Variants in PTPRD observed in about 807,000 individuals in gnomAD.
The protein encoded by PTPRD is receptor-type tyrosine-protein phosphatase delta.
A neutral mutation model predicts 214.5 loss-of-function variants in PTPRD; 34 were observed. That is an observed-to-expected ratio of 0.16 (90% CI 0.12 to 0.21). The LOEUF (loss-of-function observed/expected upper bound fraction) is 0.21, where lower values mean the gene tolerates loss of function less well. Among genes scored for constraint, PTPRD ranks in the 10% least tolerant of loss-of-function variants. The pLI is 1.00. For missense variants in PTPRD, 2,545 were observed against 2,398.7 expected, an observed-to-expected ratio of 1.06 and a Z score of -1.27; for synonymous variants, 1,128 against 845.7, an observed-to-expected ratio of 1.33 and a Z score of -5.79.
chr9:8,639,855 G>T (rs539451645), intron 12 of PTPRD, among the ~76,000 whole-genome samples: 1 of 152,332 alleles, frequency 6.6e-6, no homozygotes, highest in South Asian at 2.1e-4. Context: ...TACACTTGGA[G>T]AATAGGTATG....
chr9:10,279,186 T>C (rs1409050987), intron 3 of PTPRD, among the ~76,000 whole-genome samples: 2 of 151,082 alleles, frequency 1.3e-5, no homozygotes, highest in Admixed American at 6.6e-5. Context: ...TTGTCAGTAG[T>C]AAGAACATAT....
intron 10 of PTPRD, among the ~76,000 whole-genome samples, chr9:9,044,358 G>C (rs151249663): frequency 6.6e-6 from 1 of 152,324 alleles, no homozygotes; most frequent in African/African-American, 2.4e-5. Context: ...TGACCACTGT[G>C]AGTGGCCCAT....
chr9:10,566,984 C>T (rs953734343), intron 2 of PTPRD, among the ~76,000 whole-genome samples: 1 of 152,160 alleles, frequency 6.6e-6, no homozygotes, highest in Middle Eastern at 3.4e-3. Context: ...GTTTTATTTA[C>T]TCTATAAATA....
chr9:8,852,323 G>A (rs926303974), intron 11 of PTPRD, among the ~76,000 whole-genome samples: 5 of 152,184 alleles, frequency 3.3e-5, no homozygotes, highest in African/African-American at 7.2e-5. Flanking sequence ...GCAGAGTTAC[G>A]AGAGTTAAAT....
At chr9:9,984,437 G>A (rs2095641024) in intron 4 of PTPRD, among the ~76,000 whole-genome samples, 3 of 152,168 alleles carry the variant, frequency 2.0e-5, no homozygotes, top group African/African-American at 7.2e-5. Flanking sequence ...CAGGATGACA[G>A]AGAAATTTAT....
At chr9:8,850,282 C>A (rs1464780610) in intron 11 of PTPRD, among the ~76,000 whole-genome samples, 18 of 151,992 alleles carry the variant, frequency 1.2e-4, no homozygotes, top group Non-Finnish European at 2.6e-4. Context: ...ATTATTGTTT[C>A]TATGAGAAGT....
intron 4 of PTPRD, among the ~76,000 whole-genome samples, chr9:9,939,218 C>A (rs537546882): frequency 6.6e-6 from 1 of 152,024 alleles, no homozygotes; most frequent in Non-Finnish European, 1.5e-5. Context: ...ATAGGCTTGA[C>A]GAAAACCATA....
intron 3 of PTPRD, among the ~76,000 whole-genome samples, chr9:10,209,228 A>T (rs1442915862): frequency 6.6e-6 from 1 of 152,208 alleles, no homozygotes; most frequent in Non-Finnish European, 1.5e-5. Flanking sequence ...ATTTGGAAAG[A>T]AGTAAAATAT....
At chr9:10,038,763 G>C (rs1456494679) in intron 3 of PTPRD, among the ~76,000 whole-genome samples, 1 of 151,996 alleles carries the variant, frequency 6.6e-6, no homozygotes, top group Non-Finnish European at 1.5e-5. Context: ...TCTATTCTCA[G>C]AGAACTGTAA....
chr9:10,361,419 T>C (rs1391025954), intron 2 of PTPRD, among the ~76,000 whole-genome samples: 1 of 152,152 alleles, frequency 6.6e-6, no homozygotes, highest in Admixed American at 6.5e-5. Context: ...GAACCACCGA[T>C]GTAGACAAGG....
intron 9 of PTPRD, among the ~76,000 whole-genome samples, chr9:9,225,585 T>C (rs553614553): frequency 5.3e-5 from 8 of 152,178 alleles, no homozygotes; most frequent in African/African-American, 1.9e-4. Flanking sequence ...TAAACGTGGG[T>C]GCTTCCTACA....
intron 7 of PTPRD, among the ~76,000 whole-genome samples, chr9:9,710,723 T>C (rs117270911): frequency 0.013 from 1,935 of 152,310 alleles, 13 homozygotes; most frequent in Middle Eastern, 0.024. Context: ...ACTATACTAA[T>C]AATTTCTGAG....
intron 7 of PTPRD, among the ~76,000 whole-genome samples, chr9:9,601,152 T>TG (rs145964431): frequency 3.3e-4 from 22 of 67,262 alleles, no homozygotes; most frequent in South Asian, 1.8e-3. Flanking sequence ...TGTGTGTGTA[T>TG]GGGGGGGGGA....
intron 7 of PTPRD, among the ~76,000 whole-genome samples, chr9:9,601,787 C>T (rs1460814803): frequency 6.6e-6 from 1 of 151,900 alleles, no homozygotes; most frequent in Non-Finnish European, 1.5e-5. Flanking sequence ...GTGGAGCAGA[C>T]CATAAACACT....
At chr9:10,574,532 A>AG (rs1005029145) in intron 2 of PTPRD, among the ~76,000 whole-genome samples, 2 of 145,492 alleles carry the variant, frequency 1.4e-5, no homozygotes, top group African/African-American at 5.0e-5. Flanking sequence ...CTAGAGAGAA[A>AG]GGAAAAAAAA....
In PTPRD at chr9:8,698,163, A is replaced by T. The variant is rs2097969666; in HGVS notation, c.64+35617T>A. Among the ~76,000 whole-genome samples the T allele has an allele frequency of 2.6e-5, 4 of 152,232 alleles. No homozygotes were observed. In the South Asian group the frequency reaches 6.2e-4, roughly 24 times the overall value. ...ACTCAAAAAATGAGGATCAAAGTTG[A>T]TGATGTAGATATTGTAAAATGCAGA... is the stretch of plus-strand genomic sequence containing the variant. On this transcript the variant is annotated intron_variant, in intron 12 of 45. Coordinates refer to ENST00000381196, the MANE Select transcript of PTPRD (RefSeq NM_002839.4).
chr9:8,609,959 C>T lies in PTPRD; in HGVS notation c.352+23358G>A, dbSNP rs1048739379. Among the ~76,000 whole-genome samples the T allele has an allele frequency of 9.2e-5, 14 of 152,090 alleles. No individual in the cohort carries two copies. The East Asian group carries it at 9.6e-4, about 10-fold the overall frequency. ...TTAGATTCATATTAAGTTCTGATTA[C>T]GAGCTGAGCTACTAAGGCTCACTGT... On this transcript the variant is annotated intron_variant, in intron 14 of 45. Transcript: ENST00000381196.
intron 2 of PTPRD, among the ~76,000 whole-genome samples, chr9:10,344,024 T>G (rs1042566742): frequency 6.9e-6 from 1 of 144,850 alleles, no homozygotes; most frequent in Admixed American, 7.0e-5. Context: ...CAGAAGCTCT[T>G]TAGTTTAATT....
At chr9:8,869,504 T>C (rs1464059593) in intron 11 of PTPRD, among the ~76,000 whole-genome samples, 2 of 152,132 alleles carry the variant, frequency 1.3e-5, no homozygotes, top group Non-Finnish European at 1.5e-5. Flanking sequence ...GACTCATTGA[T>C]TGATCCAGAC....
Sources: gnomAD v4.1 joint callset for allele counts (sites outside exome capture counted in the v4.1 genomes callset) on GRCh38, gnomAD v4.1.1 for gene constraint, MANE v1.5 for transcripts, NCBI Gene and HGNC (gene_info 2026-07-23, HGNC 2026-07-21) for gene names.